The following SLC22A2 variants were observed in gnomAD, a reference collection of about 807,000 sequenced individuals.
The protein encoded by SLC22A2 is organic cation transporter 2.
A neutral mutation model predicts 60.5 loss-of-function variants in SLC22A2; 46 were observed. The observed-to-expected ratio is 0.76, with a 90% CI of 0.60 to 0.97. SLC22A2 has a LOEUF of 0.97. Among genes scored for constraint, SLC22A2 ranks in the 50% least tolerant of loss-of-function variants. The probability of loss-of-function intolerance (pLI) is 0.00; values close to 1 mark genes in which losing one functional copy is unlikely to be tolerated. For synonymous variants in SLC22A2, 303 were observed against 267.0 expected, an observed-to-expected ratio of 1.13 and a Z score of -1.31; for missense variants, 701 against 706.6, an observed-to-expected ratio of 0.99 and a Z score of 0.09.
chr6:160,246,618 T>C (rs1368011004), intron 5 of SLC22A2, among the ~76,000 whole-genome samples: 1 of 152,066 alleles, frequency 6.6e-6, no homozygotes, highest in Non-Finnish European at 1.5e-5. Context: ...GTGGTGGTGC[T>C]CGTCTGTAAT....
intron 9 of SLC22A2, among the ~76,000 whole-genome samples, chr6:160,228,342 G>T (rs1475597074): frequency 6.6e-6 from 1 of 152,148 alleles, no homozygotes; most frequent in Non-Finnish European, 1.5e-5. Flanking sequence ...GACGTGATTG[G>T]GTTAGAGGCC....
At chr6:160,246,344 A>T (rs915434152) in intron 5 of SLC22A2, among the ~76,000 whole-genome samples, 1 of 152,160 alleles carries the variant, frequency 6.6e-6, no homozygotes, top group Non-Finnish European at 1.5e-5. Context: ...CCCGCTGTGG[A>T]ATGAAAATGT....
chr6:160,223,707 A>G (rs1562430170), intron 10 of SLC22A2, among the ~76,000 whole-genome samples: 1 of 152,068 alleles, frequency 6.6e-6, no homozygotes, highest in Non-Finnish European at 1.5e-5. Flanking sequence ...AAGGATATAC[A>G]TGTTTATAAT....
At chr6:160,236,575 C>T (rs1307115469) in intron 9 of SLC22A2, among the ~76,000 whole-genome samples, 1 of 152,172 alleles carries the variant, frequency 6.6e-6, no homozygotes. Context: ...TCTTTTGCAA[C>T]AGGACACAGT....
At chr6:160,251,371 C>G (rs1425244193) in intron 2 of SLC22A2, among the ~76,000 whole-genome samples, 1 of 152,146 alleles carries the variant, frequency 6.6e-6, no homozygotes, top group Non-Finnish European at 1.5e-5. Context: ...TTCATCATGA[C>G]CTTCCTACTT....
At chr6:160,242,261 C>A in intron 8 of SLC22A2, 33 bp downstream of exon 8, 2 of 1,138,246 alleles carry the variant, frequency 1.8e-6, no homozygotes, top group Non-Finnish European at 2.7e-6. Context: ...AATGTCTCAC[C>A]CACCCTCGTC....
At chr6:160,230,825 G>T (rs947698587) in intron 9 of SLC22A2, among the ~76,000 whole-genome samples, 1 of 142,714 alleles carries the variant, frequency 7.0e-6, no homozygotes, top group African/African-American at 2.6e-5. Flanking sequence ...CTTCCTCCTA[G>T]CCATGTCCCA....
In SLC22A2 at chr6:160,258,493, A is replaced by C; in HGVS notation, c.265T>G (p.Cys89Gly). Residue 89 changes from cysteine to glycine, a missense_variant, in exon 1 of 11, where the codon TGT becomes GGT. Coordinates refer to ENST00000366953, the MANE Select transcript of SLC22A2 (RefSeq NM_003058.4). ...GPAGEASPRQ[C>G]RRYEVDWNQS... Reference sequence around the variant, plus strand: ...TTCCAGTCCACCTCGTAGCGCCTACACTGTCTTGGGGAGGCTTCGCCCGCA... The same window carrying C: ...TTCCAGTCCACCTCGTAGCGCCTACCCTGTCTTGGGGAGGCTTCGCCCGCA... The C allele has an allele frequency of 6.2e-7, 1 of 1,614,112 alleles. No homozygotes were observed. Among genetic ancestry groups the C allele is most frequent in the Non-Finnish European group, 8.5e-7 (1 of 1,180,000 alleles).
Position 160,255,353 on chromosome 6 carries a change from A to G in SLC22A2, c.518+1261T>C, listed in dbSNP as rs558946029. ...AGTGCATATGCCTTGGGGGTGTGAT[A>G]TATTAAGCCATCATTATTCATCCTT... is the stretch of plus-strand genomic sequence containing the variant. On this transcript the variant is annotated intron_variant, in intron 2 of 10. Coordinates refer to ENST00000366953, the MANE Select transcript of SLC22A2 (RefSeq NM_003058.4). 3.9e-5 allele frequency among the ~76,000 whole-genome samples: 6 copies of G among 152,286 alleles called. 1 individual carries two copies. The South Asian group carries it at 1.2e-3, about 32-fold the overall frequency.
chr6:160,235,118 C>T (rs956389766), intron 9 of SLC22A2, among the ~76,000 whole-genome samples: 1 of 152,138 alleles, frequency 6.6e-6, no homozygotes. Flanking sequence ...TTTGGTAAAA[C>T]CTCTGTTTTC....
intron 9 of SLC22A2, among the ~76,000 whole-genome samples, chr6:160,239,216 C>G (rs1782960013): frequency 6.6e-6 from 1 of 152,164 alleles, no homozygotes; most frequent in African/African-American, 2.4e-5. Flanking sequence ...ATGGTGATGT[C>G]CGGAAGTCAC....
At chr6:160,247,521 C>A (rs1433330014) in intron 4 of SLC22A2, among the ~76,000 whole-genome samples, 2 of 152,166 alleles carry the variant, frequency 1.3e-5, no homozygotes, top group Non-Finnish European at 2.9e-5. Flanking sequence ...AAGCAGGGTG[C>A]GGCTGAACAT....
rs1283976938 is a variant in SLC22A2 at position 160,243,492 on chromosome 6, T to C, written c.1279+80A>G. On this transcript the variant is annotated intron_variant, in intron 7 of 10. Transcript: ENST00000366953. Reference sequence around the variant, plus strand: ...AAATTGATTTGGATGACAAATTACATGGTTTTCCTATCAATGGGCCGTGAC... The same window carrying C: ...AAATTGATTTGGATGACAAATTACACGGTTTTCCTATCAATGGGCCGTGAC... The C allele has an allele frequency of 6.7e-6, 7 of 1,050,040 alleles. No individual in the cohort carries two copies. The African/African-American group carries it at 9.4e-5, about 14-fold the overall frequency. The allele number at this position is 1,050,040 out of a possible 1,614,324, so 65.0% of individuals were successfully genotyped here.
chr6:160,248,712 G>A (rs1583399913), intron 4 of SLC22A2, among the ~76,000 whole-genome samples: 1 of 152,160 alleles, frequency 6.6e-6, no homozygotes, highest in African/African-American at 2.4e-5. Context: ...TGGTAACTCT[G>A]ATTGATTGGT....
rs576102206 is a variant in SLC22A2 at position 160,243,709 on chromosome 6, A to T, written c.1142T>A (p.Phe381Tyr). ...TGGGAATTCAACCAGGGCAGAGTAG[A>T]AGAAATCCAGGTAGATATTGTCACC... ...LAGDNIYLDF[F>Y]YSALVEFPAA... The change falls in exon 7 of 11, where the codon TTC becomes TAC. Residue 381 changes from phenylalanine (F) to tyrosine (Y), a missense_variant. Coordinates refer to ENST00000366953, the MANE Select transcript of SLC22A2 (RefSeq NM_003058.4). 309 of 1,614,058 alleles carry T rather than the reference A, an allele frequency of 1.9e-4. 7 individuals are homozygous for T. The South Asian group carries it at 3.3e-3, about 17-fold the overall frequency.
In SLC22A2 at chr6:160,243,602, C is replaced by A; in HGVS notation, c.1249G>T (p.Ala417Ser). Residue 417 changes from alanine to serine, a missense_variant, in exon 7 of 11, where the codon GCC becomes TCC. Coordinates refer to ENST00000366953, the MANE Select transcript of SLC22A2 (RefSeq NM_003058.4). ...GGTATAAAAACTGAGGCCAGACAGG[C>A]TGCCCCTGCAACCATATTTGATGCA... is the stretch of plus-strand genomic sequence containing the variant. ...WAASNMVAGAACLASVFIPGD... is the reference protein window; with the variant it reads ...WAASNMVAGASCLASVFIPGD... 5.0e-6 allele frequency: 8 copies of A among 1,614,010 alleles called. No individual in the cohort carries two copies. The highest frequency in any genetic ancestry group is 6.8e-6 in the Non-Finnish European group (8 of 1,179,894).
At chr6:160,255,367 T>C (rs1783253553) in intron 2 of SLC22A2, among the ~76,000 whole-genome samples, 1 of 152,242 alleles carries the variant, frequency 6.6e-6, no homozygotes, top group Non-Finnish European at 1.5e-5. Flanking sequence ...TAAGCCATCA[T>C]TATTCATCCT....
chr6:160,250,848 C>A, intron 2 of SLC22A2, 146 bp from the exon 3 acceptor site: 3 of 753,880 alleles, frequency 4.0e-6, no homozygotes, highest in Non-Finnish European at 4.3e-6. Context: ...CTGATAGCCA[C>A]AAAGGGAATC....
intron 10 of SLC22A2, among the ~76,000 whole-genome samples, chr6:160,223,367 AT>A (rs1170691469): frequency 6.6e-6 from 1 of 152,178 alleles, no homozygotes; most frequent in Non-Finnish European, 1.5e-5. Flanking sequence ...CGGTTCTTGT[AT>A]ATTTTTCCAG....
Sources: allele counts gnomAD v4.1 joint callset (sites outside exome capture counted in the v4.1 genomes callset), GRCh38; gene constraint gnomAD v4.1.1; transcripts MANE v1.5; gene names NCBI Gene and HGNC (gene_info 2026-07-23, HGNC 2026-07-21).